The following TBC1D4 variants were observed in gnomAD, a reference collection of about 807,000 sequenced individuals.
The protein encoded by TBC1D4 is TBC (Tre-2, BUB2, CDC16) domain-containing protein.
TBC1D4 carries 121 observed loss-of-function variants against 142.5 expected under a neutral mutation model. That is an observed-to-expected ratio of 0.85 (90% CI 0.73 to 0.99). The LOEUF (loss-of-function observed/expected upper bound fraction) is 0.99. Among genes scored for constraint, TBC1D4 ranks in the 50% least tolerant of loss-of-function variants. TBC1D4 has a pLI of 0.00. For synonymous variants in TBC1D4, 630 were observed against 628.2 expected (o/e 1.00, Z -0.04); for missense variants, 1,475 against 1,606.6 (o/e 0.92, Z 1.40).
intron 5 of TBC1D4, among the ~76,000 whole-genome samples, chr13:75,348,115 T>C (rs1441987942): frequency 6.6e-6 from 1 of 152,006 alleles, no homozygotes; most frequent in Non-Finnish European, 1.5e-5. Flanking sequence ...AAATCCAGCC[T>C]GGGCAACAGA....
At chr13:75,337,078 T>C (rs1566394703) in intron 7 of TBC1D4, 38 bp from the exon 8 acceptor site, 1 of 1,587,356 alleles carries the variant, frequency 6.3e-7, no homozygotes, top group African/African-American at 1.3e-5. Flanking sequence ...AGTTTGGAAA[T>C]ACTCAAGGTT....
chr13:75,329,453 C>T (rs1053982114), intron 8 of TBC1D4, among the ~76,000 whole-genome samples: 3 of 151,160 alleles, frequency 2.0e-5, no homozygotes, highest in Non-Finnish European at 4.4e-5. Context: ...TCTCTCTCCC[C>T]CGCTTGTTTT....
chr13:75,458,021 G>A (rs2138268836), intron 1 of TBC1D4, among the ~76,000 whole-genome samples: 1 of 152,298 alleles, frequency 6.6e-6, no homozygotes, highest in South Asian at 2.1e-4. Flanking sequence ...CTTTTAAGTA[G>A]TTGCCGTTCA....
In TBC1D4 at chr13:75,310,159, G is replaced by A. The variant is rs773523006; in HGVS notation, c.2384-8C>T. The A allele has an allele frequency of 1.2e-5, 19 of 1,612,306 alleles. No homozygotes were observed. In the East Asian group the frequency reaches 2.2e-4, roughly 19 times the overall value. On this transcript the variant is annotated splice_polypyrimidine_tract_variant and splice_region_variant and intron_variant, in intron 13 of 20. Coordinates refer to ENST00000377636, the MANE Select transcript of TBC1D4 (RefSeq NM_014832.5). Reference sequence around the variant, plus strand: ...CGTTCCTGTCCAATCCATCTGCAGAGAAGAACACAGTGAGAGGCATTCCTT... The same window carrying A: ...CGTTCCTGTCCAATCCATCTGCAGAAAAGAACACAGTGAGAGGCATTCCTT...
chr13:75,352,718 C>T (rs929872664), intron 4 of TBC1D4, among the ~76,000 whole-genome samples: 2 of 151,986 alleles, frequency 1.3e-5, no homozygotes, highest in African/African-American at 2.4e-5. Flanking sequence ...CCTCCAGGCC[C>T]GTCAGAACAC....
intron 1 of TBC1D4, among the ~76,000 whole-genome samples, chr13:75,461,667 T>C (rs530656570): frequency 1.3e-5 from 2 of 152,192 alleles, no homozygotes; most frequent in Non-Finnish European, 2.9e-5. Flanking sequence ...AATCATTGAG[T>C]TCTTCATTTC....
intron 4 of TBC1D4, among the ~76,000 whole-genome samples, chr13:75,352,832 G>A (rs1409288843): frequency 1.3e-5 from 2 of 152,212 alleles, no homozygotes; most frequent in Non-Finnish European, 2.9e-5. Flanking sequence ...GTGTGGTGTT[G>A]CAATACATTG....
At chr13:75,326,749 G>A (rs1255895830) in intron 9 of TBC1D4, among the ~76,000 whole-genome samples, 3 of 152,160 alleles carry the variant, frequency 2.0e-5, no homozygotes, top group African/African-American at 7.2e-5. Flanking sequence ...GACACTTTGT[G>A]ATGAAACGCT....
intron 5 of TBC1D4, among the ~76,000 whole-genome samples, chr13:75,345,644 G>A (rs1030606691): frequency 2.0e-5 from 3 of 151,834 alleles, no homozygotes; most frequent in South Asian, 2.1e-4. Context: ...TGTAATCCTA[G>A]CACTTTGGGA....
chr13:75,462,318 A>C (rs1888004838), intron 1 of TBC1D4, among the ~76,000 whole-genome samples: 1 of 152,190 alleles, frequency 6.6e-6, no homozygotes, highest in Non-Finnish European at 1.5e-5. Flanking sequence ...CTACAGACCT[A>C]AAGTTTAATA....
Position 75,419,741 on chromosome 13 carries a change from A to C in TBC1D4, c.499-57134T>G, listed in dbSNP as rs77767728. 9.9e-3 allele frequency among the ~76,000 whole-genome samples: 1,512 copies of C among 152,304 alleles called. 25 individuals are homozygous for C. The highest frequency in any genetic ancestry group is 0.034 in the African/African-American group (1,399 of 41,560). ...TATGTGGAACTCACAAATTGTATTA[A>C]ATCAAAAAATCTTCGCTGAGTGCTT... On this transcript the variant is annotated intron_variant, in intron 1 of 20. Transcript: ENST00000377636.
chr13:75,365,412 G>A (rs1247766358), intron 1 of TBC1D4, among the ~76,000 whole-genome samples: 1 of 150,714 alleles, frequency 6.6e-6, no homozygotes, highest in Non-Finnish European at 1.5e-5. Flanking sequence ...TACTCACTTA[G>A]GCCACACCAG....
chr13:75,410,932 T>G (rs1212838302), intron 1 of TBC1D4, among the ~76,000 whole-genome samples: 1 of 41,706 alleles, frequency 2.4e-5, no homozygotes, highest in Non-Finnish European at 3.9e-5. Context: ...CGAGACTCCG[T>G]CTCAAAAAAA....
In TBC1D4 at chr13:75,362,715, T is replaced by C; in HGVS notation, c.499-108A>G. The C allele has an allele frequency of 8.5e-7, 1 of 1,177,240 alleles. No homozygotes were observed. Among genetic ancestry groups the C allele is most frequent in the Non-Finnish European group, 1.2e-6 (1 of 811,752 alleles). The allele number at this position is 1,177,240 out of a possible 1,614,324, so 72.9% of individuals were successfully genotyped here. A position where few individuals can be genotyped will look rare whatever the true frequency, so the allele number is the denominator to read the frequency against. ...GAATGTATTTTCATCCTAAATAATATACAAAGTAATAGACACTACACGAGA... is the reference window on the plus strand; with the variant it reads ...GAATGTATTTTCATCCTAAATAATACACAAAGTAATAGACACTACACGAGA... On this transcript the variant is annotated intron_variant, in intron 1 of 20. Coordinates refer to ENST00000377636, the MANE Select transcript of TBC1D4 (RefSeq NM_014832.5). The surrounding 1 kb of genome is among the most constrained non-coding windows in gnomAD (Gnocchi z 4.2).
At chr13:75,377,760 A>G (rs1221432771) in intron 1 of TBC1D4, among the ~76,000 whole-genome samples, 2 of 150,498 alleles carry the variant, frequency 1.3e-5, no homozygotes, top group Non-Finnish European at 3.0e-5. Context: ...GCATCTATCT[A>G]TCTATCCATT....
chr13:75,410,002 A>C (rs2138391524), intron 1 of TBC1D4, among the ~76,000 whole-genome samples: 1 of 152,330 alleles, frequency 6.6e-6, no homozygotes, highest in South Asian at 2.1e-4. Flanking sequence ...TTGTTCACCA[A>C]ATTTGTTTAT....
intron 8 of TBC1D4, among the ~76,000 whole-genome samples, chr13:75,330,387 T>C (rs1043500289): frequency 1.2e-3 from 180 of 152,340 alleles, no homozygotes; most frequent in African/African-American, 3.1e-3. Flanking sequence ...TACTATAGGA[T>C]AACTAAAACA....
rs539255992 is a variant in TBC1D4 at position 75,393,149 on chromosome 13, ACACACACT to A, written c.499-30550_499-30543del. 8.0e-3 allele frequency among the ~76,000 whole-genome samples: 1,141 copies of A among 141,782 alleles called. 8 individuals carry two copies. The highest frequency in any genetic ancestry group is 0.013 in the South Asian group (61 of 4,694). 93.0% of individuals were successfully genotyped at this position (141,782 alleles called of 152,430 possible). A position where few individuals can be genotyped will look rare whatever the true frequency, so the allele number is the denominator to read the frequency against. On this transcript the variant is annotated intron_variant, in intron 1 of 20. Coordinates refer to ENST00000377636, the MANE Select transcript of TBC1D4 (RefSeq NM_014832.5). ...CACACACACACACACACACACACAC[ACACACACT>A]CAGTCTTTGTTTGCTCTTACTACTG...
intron 1 of TBC1D4, among the ~76,000 whole-genome samples, chr13:75,398,870 A>G (rs972850042): frequency 2.0e-5 from 3 of 152,110 alleles, no homozygotes; most frequent in African/African-American, 7.2e-5. Context: ...TTATCTAGAC[A>G]AGGGGGTTTC....
Sources: gnomAD v4.1 joint callset for allele counts (sites outside exome capture counted in the v4.1 genomes callset) on GRCh38, gnomAD v4.1.1 for gene constraint, Gnocchi (gnomAD v3.1) non-coding constraint, MANE v1.5 for transcripts, NCBI Gene and HGNC (gene_info 2026-07-23, HGNC 2026-07-21) for gene names.